PRSS57: variants seen among roughly 807,000 people sequenced by gnomAD.
The protein encoded by PRSS57 is neutrophil serine protease 4.
A neutral mutation model predicts 20.6 loss-of-function variants in PRSS57; 19 were observed. The observed-to-expected ratio is 0.92, with a 90% confidence interval of 0.64 to 1.35. PRSS57 has a LOEUF of 1.35. PRSS57 is among the 40% of genes most tolerant of loss of function. PRSS57 has a pLI of 0.00. For missense variants in PRSS57, 440 were observed against 403.7 expected (o/e 1.09, Z -0.77); for synonymous variants, 203 against 176.6 (o/e 1.15, Z -1.19).
intron 2 of PRSS57, among the ~76,000 whole-genome samples, chr19:693,529 C>A (rs1447035164): frequency 6.6e-6 from 1 of 151,930 alleles, no homozygotes; most frequent in Non-Finnish European, 1.5e-5. Flanking sequence ...TAGGTTGGTG[C>A]AAAAGTAATT....
chr19:686,867 C>T, intron 4 of PRSS57, 58 bp downstream of exon 4: 3 of 1,567,940 alleles, frequency 1.9e-6, no homozygotes, highest in Non-Finnish European at 2.6e-6. Context: ...CCCTGACCCT[C>T]TCTGTGGGCC....
In PRSS57 at chr19:694,804, G is replaced by A. The variant is rs373391217; in HGVS notation, c.233+10C>T. The A allele has an allele frequency of 1.9e-6, 3 of 1,603,684 alleles. No homozygotes were observed. Among genetic ancestry groups the A allele is most frequent in the Non-Finnish European group, 2.6e-6 (3 of 1,175,820 alleles). ...TGTCCAGAAAGAAGGGGCCCGACAG[G>A]TGAGCTCACCTGTGGCTGAAGCAGT... On this transcript the variant is annotated intron_variant, in intron 2 of 4. Transcript: ENST00000329267.
Position 694,900 on chromosome 19 carries a change from G to C in PRSS57, c.147C>G (p.Ser49=), listed in dbSNP as rs770707948. 1.2e-6 allele frequency: 2 copies of C among 1,603,434 alleles called. No individual in the cohort carries two copies. The change falls in exon 2 of 5, where the codon TCC becomes TCG. Residue 49 remains serine (S), a synonymous_variant. Coordinates refer to ENST00000329267, the MANE Select transcript of PRSS57 (RefSeq NM_001308209.2). The part of the protein sequence containing the change: ...VTPHSRPYMA[S]VRFGGQHHCG... Reference sequence around the variant, plus strand: ...AGTGATGTTGGCCCCCGAAGCGCACGGATGCCATGTAGGGCCTGGAGTGGG... The same window carrying C: ...AGTGATGTTGGCCCCCGAAGCGCACCGATGCCATGTAGGGCCTGGAGTGGG...
At chr19:692,910 T>C (rs557162893) in intron 2 of PRSS57, among the ~76,000 whole-genome samples, 15 of 151,666 alleles carry the variant, frequency 9.9e-5, no homozygotes, top group Non-Finnish European at 2.1e-4. Flanking sequence ...GTAATTTCAA[T>C]ATTCTCCTTT....
At chr19:694,680 C>T (rs1333869423) in intron 2 of PRSS57, 134 bp downstream of exon 2, 5 of 1,010,250 alleles carry the variant, frequency 4.9e-6, no homozygotes, top group Non-Finnish European at 7.0e-6. Context: ...CCTTTGTTGC[C>T]CTTTAAATCC....
intron 2 of PRSS57, among the ~76,000 whole-genome samples, chr19:692,243 C>A (rs1422331822): frequency 1.3e-5 from 2 of 150,660 alleles, no homozygotes; most frequent in African/African-American, 4.8e-5. Flanking sequence ...GTGGCACATG[C>A]CTGTCATCCC....
At chr19:694,789 G>C in intron 2 of PRSS57, 25 bp downstream of exon 2, 1 of 1,596,400 alleles carries the variant, frequency 6.3e-7, no homozygotes, top group Non-Finnish European at 8.5e-7. Flanking sequence ...TGTCCAGAAA[G>C]AAGGGGCCCG....
chr19:695,023 T>G, intron 1 of PRSS57, 56 bp from the exon 2 acceptor site: 1 of 1,458,658 alleles, frequency 6.9e-7, no homozygotes, highest in South Asian at 1.4e-5. Context: ...ATGACGGGGC[T>G]GGGGTCAGGG....
chr19:693,502 C>T (rs901667958), intron 2 of PRSS57, among the ~76,000 whole-genome samples: 16 of 152,114 alleles, frequency 1.1e-4, no homozygotes, highest in African/African-American at 3.1e-4. Flanking sequence ...ATGCTCACGC[C>T]GGCCCCGTGA....
chr19:694,997 G>C (rs765592190), intron 1 of PRSS57, 30 bp from the exon 2 acceptor site: 7 of 1,494,506 alleles, frequency 4.7e-6, no homozygotes, highest in Non-Finnish European at 6.2e-6. Flanking sequence ...AGTCAGGGAC[G>C]AGGCGGGAGG....
At chr19:686,188 C>T (rs975101796) in intron 4 of PRSS57, among the ~76,000 whole-genome samples, 5 of 152,078 alleles carry the variant, frequency 3.3e-5, no homozygotes, top group African/African-American at 1.2e-4. Flanking sequence ...TGTGAACATT[C>T]GAGTCTGCAG....
intron 2 of PRSS57, among the ~76,000 whole-genome samples, chr19:693,527 T>C (rs1297976260): frequency 1.3e-5 from 2 of 152,044 alleles, no homozygotes; most frequent in Non-Finnish European, 2.9e-5. Context: ...ATTAGGTTGG[T>C]GCAAAAGTAA....
intron 2 of PRSS57, among the ~76,000 whole-genome samples, chr19:693,259 G>T (rs144307960): frequency 0.19 from 21,175 of 111,904 alleles, 1,871 homozygotes; most frequent in East Asian, 0.32. Flanking sequence ...TTGAGACAAG[G>T]TCTCACTCTG....
Position 691,903 on chromosome 19 carries a change from G to A in PRSS57, c.333C>T (p.Pro111=). 9.0e-6 allele frequency: 12 copies of A among 1,340,298 alleles called. No individual in the cohort carries two copies. Among genetic ancestry groups the A allele is most frequent in the Non-Finnish European group, 1.2e-5 (12 of 1,036,218 alleles). The allele number at this position is 1,340,298 out of a possible 1,614,324, so 83.0% of individuals were successfully genotyped here. The change falls in exon 3 of 5, where the codon CCC becomes CCT. Residue 111 remains proline (P), a synonymous_variant. Transcript: ENST00000329267. ...TGGCGTGGGTCATGGGGTGGTAGTC[G>A]GGGTGTGTGGTGAGAGCATCGATGC... ...VFGIDALTTH[P]DYHPMTHAND... is the part of the protein sequence containing the mutation.
At chr19:689,416 C>T (rs1240314125) in intron 3 of PRSS57, among the ~76,000 whole-genome samples, 3 of 151,984 alleles carry the variant, frequency 2.0e-5, no homozygotes, top group African/African-American at 7.3e-5. Flanking sequence ...AACTGGTGCA[C>T]TGGGTACAGC....
chr19:694,247 T>C (rs2031727313), intron 2 of PRSS57, among the ~76,000 whole-genome samples: 1 of 142,450 alleles, frequency 7.0e-6, no homozygotes, highest in Non-Finnish European at 1.5e-5. Flanking sequence ...GGCCCCAATA[T>C]ACATTTTAAT....
chr19:695,315 G>A, intron 1 of PRSS57, 37 bp downstream of exon 1: 1 of 1,067,964 alleles, frequency 9.4e-7, no homozygotes, highest in Non-Finnish European at 1.2e-6. Flanking sequence ...CGGGGACTTG[G>A]CGGGGGCCTG....
At chr19:688,166 G>A (rs2031529387) in intron 3 of PRSS57, among the ~76,000 whole-genome samples, 1 of 152,172 alleles carries the variant, frequency 6.6e-6, no homozygotes, top group African/African-American at 2.4e-5. Context: ...CCCTGTCTCT[G>A]GTTCTCTGAT....
At position 695,341 on chromosome 19, in the gene PRSS57, G is replaced by A. The variant is rs2031760641; in HGVS notation, c.79+11C>T. The stretch of plus-strand genomic sequence containing the variant: ...CGGGGGCCTGGGTGGGGATCCCGGG[G>A]GGCTCCTCACCGGGGGGCTTCACGG... On this transcript the variant is annotated intron_variant, in intron 1 of 4. Transcript: ENST00000329267. 4 of 1,252,764 alleles carry A rather than the reference G, an allele frequency of 3.2e-6. No homozygotes were observed. Among genetic ancestry groups the A allele is most frequent in the Admixed American group, 3.8e-5 (1 of 26,132 alleles). The allele number at this position is 1,252,764 out of a possible 1,614,324, so 77.6% of individuals were successfully genotyped here. A position where few individuals can be genotyped will look rare whatever the true frequency, so the allele number is the denominator to read the frequency against.
Sources: allele counts gnomAD v4.1 joint callset (sites outside exome capture counted in the v4.1 genomes callset), GRCh38; gene constraint gnomAD v4.1.1; transcripts MANE v1.5; gene names NCBI Gene and HGNC (gene_info 2026-07-23, HGNC 2026-07-21).